Variants in COL5A2 observed in about 807,000 individuals in gnomAD.
The protein encoded by COL5A2 is collagen alpha-2(V) chain.
Under a neutral mutation model 208.2 loss-of-function variants are expected in COL5A2, and 23 were observed. That is an observed-to-expected ratio of 0.11 (90% CI 0.08 to 0.16). The LOEUF is 0.16. Among genes scored for constraint, COL5A2 ranks in the 10% least tolerant of loss-of-function variants. The pLI is 1.00. For synonymous variants in COL5A2, 625 were observed against 628.5 expected (o/e 0.99, Z 0.08); for missense variants, 1,590 against 1,956.4 (o/e 0.81, Z 3.53).
chr2:189,210,077 GCAAA>G (rs764162880), intron 1 of COL5A2, among the ~76,000 whole-genome samples: 3 of 152,108 alleles, frequency 2.0e-5, no homozygotes, highest in Non-Finnish European at 4.4e-5. Context: ...ATAAAGAATA[GCAAA>G]CAGTCTTCAG....
intron 1 of COL5A2, among the ~76,000 whole-genome samples, chr2:189,178,391 T>C (rs764576975): frequency 6.6e-6 from 1 of 151,980 alleles, no homozygotes; most frequent in Non-Finnish European, 1.5e-5. Flanking sequence ...ATAGTATATA[T>C]ACATATATAC....
At chr2:189,206,632 C>T (rs1689147084) in intron 1 of COL5A2, among the ~76,000 whole-genome samples, 1 of 152,122 alleles carries the variant, frequency 6.6e-6, no homozygotes, top group African/African-American at 2.4e-5. Context: ...GAAAATCTTT[C>T]CTTATTTGTC....
At chr2:189,188,830 G>A (rs1209390631) in intron 1 of COL5A2, among the ~76,000 whole-genome samples, 1 of 152,206 alleles carries the variant, frequency 6.6e-6, no homozygotes, top group Non-Finnish European at 1.5e-5. Flanking sequence ...AGAGGTCTGG[G>A]AAACGTGTCT....
chr2:189,319,289 A>G, the COL5A2 span, among the ~76,000 whole-genome samples: 4 of 152,246 alleles, frequency 2.6e-5, no homozygotes, highest in Admixed American at 6.5e-5. Context: ...TACTGGGTTC[A>G]TCTCACTGGG....
At chr2:189,154,371 C>T (rs994326022) in intron 1 of COL5A2, among the ~76,000 whole-genome samples, 9 of 152,190 alleles carry the variant, frequency 5.9e-5, no homozygotes, top group South Asian at 2.1e-4. Flanking sequence ...AATAAGGATG[C>T]GCTCATTCGC....
the COL5A2 span, among the ~76,000 whole-genome samples, chr2:189,319,802 C>T: frequency 2.4e-4 from 37 of 152,312 alleles, no homozygotes; most frequent in African/African-American, 8.9e-4. Flanking sequence ...TGTCTGACAG[C>T]CTTGAAGAGA....
At chr2:189,197,622 T>C (rs955701915) in intron 1 of COL5A2, among the ~76,000 whole-genome samples, 2 of 151,968 alleles carry the variant, frequency 1.3e-5, no homozygotes, top group African/African-American at 4.8e-5. Context: ...ATAATGTCCA[T>C]TTAGGTTAAT....
rs542134887 is a variant in COL5A2, at chr2:189,079,109, TAA to T, written c.961-4_961-3del. Reference sequence around the variant, plus strand: ...TGGACCAGTGGGGCCAGCTTCACCCTAAAAAAAAATGAGAATACATTACAGTA... The same window carrying T: ...TGGACCAGTGGGGCCAGCTTCACCCTAAAAAAATGAGAATACATTACAGTA... On this transcript the variant is annotated splice_polypyrimidine_tract_variant and splice_region_variant and intron_variant, in intron 14 of 53. Transcript: ENST00000374866. 3.2e-6 allele frequency: 5 copies of T among 1,552,644 alleles called. No homozygotes were observed. Among genetic ancestry groups the T allele is most frequent in the South Asian group, 1.1e-5 (1 of 87,760 alleles).
intron 19 of COL5A2, 120 bp downstream of exon 19, chr2:189,068,666 G>T: frequency 5.4e-6 from 4 of 743,642 alleles, no homozygotes. Context: ...GAACATTACA[G>T]GTACCCCCTA....
intron 1 of COL5A2, among the ~76,000 whole-genome samples, chr2:189,118,408 G>C (rs934898041): frequency 5.9e-5 from 9 of 152,000 alleles, no homozygotes; most frequent in Non-Finnish European, 1.2e-4. Flanking sequence ...GCTGCATTTT[G>C]CCTCCTTTTT....
chr2:189,181,645 G>A (rs888211959), upstream of COL5A2, among the ~76,000 whole-genome samples: 16 of 152,066 alleles, frequency 1.1e-4, no homozygotes, highest in South Asian at 1.5e-3. Flanking sequence ...AGTGCAAGAC[G>A]GCAGACATTT....
At position 189,092,295 on chromosome 2, in the gene COL5A2, A is replaced by G. The variant is rs371447014; in HGVS notation, c.567+15T>C. 2.9e-5 allele frequency: 43 copies of G among 1,507,892 alleles called. No homozygotes were observed. The highest frequency in any genetic ancestry group is 3.8e-5 in the Non-Finnish European group (41 of 1,090,048). 93.4% of individuals were successfully genotyped at this position (1,507,892 alleles called of 1,614,324 possible). ...CATGACCTGTACGTGACATCAAACA[A>G]TGCACACAACTCACCCTGCTCAAGC... is the stretch of plus-strand genomic sequence containing the variant. On this transcript the variant is annotated intron_variant, in intron 7 of 53. Transcript: ENST00000374866.
chr2:189,151,359 G>A lies in COL5A2; in HGVS notation c.97+28149C>T, dbSNP rs374711605. Among the ~76,000 whole-genome samples the A allele has an allele frequency of 3.6e-4, 55 of 152,168 alleles. 1 individual carries two copies. The highest frequency in any genetic ancestry group is 1.1e-3 in the African/African-American group (45 of 41,530). On this transcript the variant is annotated intron_variant, in intron 1 of 53. Transcript: ENST00000374866. ...TGTTTATGTTTTATATTTAATAAAG[G>A]CATAATGACAAATGAAGCAATCTTC...
intron 1 of COL5A2, among the ~76,000 whole-genome samples, chr2:189,149,750 T>G (rs948916917): frequency 1.3e-5 from 2 of 152,202 alleles, no homozygotes; most frequent in Admixed American, 6.5e-5. Context: ...AAGTGTTTAG[T>G]GGTTTCAAGA....
the COL5A2 span, among the ~76,000 whole-genome samples, chr2:189,269,605 T>A: frequency 1.3e-5 from 2 of 152,168 alleles, no homozygotes; most frequent in African/African-American, 2.4e-5. Flanking sequence ...TCGTGGTGGA[T>A]AAGCTTTTTG....
At position 189,188,719 on chromosome 2, in the gene COL5A2, T is replaced by C. The variant is rs185547795; in HGVS notation, c.-42+36429A>G. Among the ~76,000 whole-genome samples, 6 of 152,292 alleles carry C rather than the reference T, an allele frequency of 3.9e-5. No individual in the cohort carries two copies. In the East Asian group the frequency reaches 1.2e-3, roughly 29 times the overall value. ...GCTCCACGTCCTGCTTTTAAAAAGTTAAAGGCCTAAGTCTCAAGTTGTGTC... is the reference window on the plus strand; with the variant it reads ...GCTCCACGTCCTGCTTTTAAAAAGTCAAAGGCCTAAGTCTCAAGTTGTGTC... On this transcript the variant is annotated intron_variant, in intron 1 of 10. Coordinates refer to the COL5A2 transcript ENST00000649966.
chr2:189,239,658 T>C, the COL5A2 span, among the ~76,000 whole-genome samples: 2 of 147,948 alleles, frequency 1.4e-5, no homozygotes, highest in Non-Finnish European at 3.0e-5. Flanking sequence ...TTGGGAGATA[T>C]ACCTAATGCT....
chr2:189,431,445 T>C, the COL5A2 span, among the ~76,000 whole-genome samples: 1 of 151,876 alleles, frequency 6.6e-6, no homozygotes, highest in Non-Finnish European at 1.5e-5. Context: ...CTAAAAACCT[T>C]GAAAAAAGGT....
At chr2:189,144,156 T>G (rs540857124) in intron 1 of COL5A2, among the ~76,000 whole-genome samples, 1 of 152,188 alleles carries the variant, frequency 6.6e-6, no homozygotes, top group East Asian at 1.9e-4. Context: ...GATGCAAGAC[T>G]CTTGGGCCTC....
Sources: allele counts gnomAD v4.1 joint callset (sites outside exome capture counted in the v4.1 genomes callset), GRCh38; gene constraint gnomAD v4.1.1; transcripts MANE v1.5; gene names NCBI Gene and HGNC (gene_info 2026-07-23, HGNC 2026-07-21).